The following WWC2 variants were observed in gnomAD, a reference collection of about 807,000 sequenced individuals.
WWC2 encodes the protein WW and C2 domain containing 2, also known as protein WWC2.
In WWC2, 101 loss-of-function variants were observed where a neutral mutation model predicts 138.5. The ratio of observed to expected loss-of-function variants is 0.73; its 90% confidence interval spans 0.62 to 0.86. WWC2 has a LOEUF of 0.86. Among genes scored for constraint, WWC2 ranks in the 40% least tolerant of loss-of-function variants. The pLI is 0.00. For synonymous variants in WWC2, 558 were observed against 538.4 expected, an observed-to-expected ratio of 1.04 and a Z score of -0.50; for missense variants, 1,420 against 1,419.4, an observed-to-expected ratio of 1.00 and a Z score of -0.01.
chr4:183,263,416 G>GGGTCTT (rs1737399872), intron 11 of WWC2, among the ~76,000 whole-genome samples: 1 of 152,202 alleles, frequency 6.6e-6, no homozygotes, highest in Admixed American at 6.5e-5. Context: ...CCTGACACTT[G>GGGTCTT]GGTCTTGCTG....
Position 183,247,533 on chromosome 4 carries a change from A to G in WWC2, c.733-1181A>G, listed in dbSNP as rs544585500. On this transcript the variant is annotated intron_variant, in intron 6 of 22. Coordinates refer to ENST00000403733, the MANE Select transcript of WWC2 (RefSeq NM_024949.6). The stretch of plus-strand genomic sequence containing the variant: ...ATATACACTATACTATATATATACT[A>G]TATATACTATATATATACTGTATAT... Among the ~76,000 whole-genome samples, 25 of 143,310 alleles carry G rather than the reference A, an allele frequency of 1.7e-4. 1 individual carries two copies. Among genetic ancestry groups the G allele is most frequent in the African/African-American group, 4.9e-4 (19 of 38,956 alleles). 94.0% of individuals were successfully genotyped at this position (143,310 alleles called of 152,430 possible). A position where few individuals can be genotyped will look rare whatever the true frequency, so the allele number is the denominator to read the frequency against.
intron 6 of WWC2, among the ~76,000 whole-genome samples, chr4:183,247,783 A>G (rs2111329435): frequency 7.3e-6 from 1 of 137,558 alleles, no homozygotes; most frequent in East Asian, 2.1e-4. Context: ...TACTATATAT[A>G]TATTATATAT....
chr4:183,253,826 G>A lies in WWC2; in HGVS notation c.1023G>A (p.Glu341=), dbSNP rs770795468. 1 of 1,613,634 alleles carries A rather than the reference G, an allele frequency of 6.2e-7. No homozygotes were observed. The highest frequency in any genetic ancestry group is 1.3e-5 in the African/African-American group (1 of 74,970). The change falls in exon 9 of 23, where the codon GAG becomes GAA. Residue 341 remains glutamate, a synonymous_variant. Coordinates refer to ENST00000403733, the MANE Select transcript of WWC2 (RefSeq NM_024949.6). ...CCTGGCCTGGGGCACTGGATATTGA[G>A]AAGGAAAAACTGATGCTGATTAATG... The part of the protein sequence containing the change: ...SEAWPGALDI[E]KEKLMLINEK...
At chr4:183,124,922 C>T (rs1450784666) in intron 1 of WWC2, among the ~76,000 whole-genome samples, 2 of 152,126 alleles carry the variant, frequency 1.3e-5, no homozygotes, top group African/African-American at 4.8e-5. Context: ...GACTCCTCCA[C>T]AAAAGCGTGG....
chr4:183,261,650 A>G (rs1737335820), intron 11 of WWC2, 118 bp downstream of exon 11: 2 of 1,248,790 alleles, frequency 1.6e-6, no homozygotes, highest in Admixed American at 2.9e-5. Context: ...CTTTTGAGTA[A>G]TCGTTTTGGC....
chr4:183,285,100 C>G (rs1179414560), intron 19 of WWC2, among the ~76,000 whole-genome samples: 1 of 152,100 alleles, frequency 6.6e-6, no homozygotes, highest in Non-Finnish European at 1.5e-5. Flanking sequence ...GTTTACATTC[C>G]TGTGAATCGA....
intron 1 of WWC2, among the ~76,000 whole-genome samples, chr4:183,133,519 C>T (rs567275715): frequency 3.3e-5 from 5 of 151,988 alleles, no homozygotes; most frequent in South Asian, 4.2e-4. Flanking sequence ...CTTTTTGAGA[C>T]GGAGCCTTGC....
At chr4:183,161,512 C>T (rs1733958592) in intron 1 of WWC2, among the ~76,000 whole-genome samples, 1 of 152,274 alleles carries the variant, frequency 6.6e-6, no homozygotes, top group South Asian at 2.1e-4. Context: ...GTGCAAATAA[C>T]CTTGCAGAAT....
chr4:183,213,788 C>G (rs1456956251), intron 4 of WWC2, among the ~76,000 whole-genome samples: 1 of 151,950 alleles, frequency 6.6e-6, no homozygotes, highest in Non-Finnish European at 1.5e-5. Context: ...ATCTCAATAG[C>G]CATTTTTTAA....
chr4:183,107,232 T>C (rs1743395970), intron 1 of WWC2, among the ~76,000 whole-genome samples: 1 of 150,620 alleles, frequency 6.6e-6, no homozygotes, highest in African/African-American at 2.4e-5. Context: ...CTCGGCTCAC[T>C]GCGGCTTCCA....
chr4:183,168,098 TG>T (rs1416964114), intron 1 of WWC2, among the ~76,000 whole-genome samples: 1 of 151,876 alleles, frequency 6.6e-6, no homozygotes, highest in Non-Finnish European at 1.5e-5. Context: ...CCTCGTGATC[TG>T]TCCACCTTGG....
At chr4:183,197,392 A>G (rs1735173823) in intron 2 of WWC2, among the ~76,000 whole-genome samples, 1 of 152,212 alleles carries the variant, frequency 6.6e-6, no homozygotes, top group African/African-American at 2.4e-5. Flanking sequence ...TTCCACACAT[A>G]TGTTGTGTTC....
In WWC2 at chr4:183,261,367, A is replaced by ACT; in HGVS notation, c.1745_1746dup (p.Ala583LeufsTer9). 6.2e-7 allele frequency: 1 copy of ACT among 1,613,144 alleles called. No homozygotes were observed. The highest frequency in any genetic ancestry group is 2.2e-5 in the East Asian group (1 of 44,870). ...TCATGATGCCTCTCTCCATCAGTTC[A>ACT]CTGCTGACTTTGAAGACTGTGAGTT... On this transcript the variant is annotated frameshift_variant, in exon 11 of 23. Transcript: ENST00000403733. LOFTEE classifies it high-confidence loss of function.
chr4:183,114,269 G>A (rs556096159), intron 1 of WWC2, among the ~76,000 whole-genome samples: 2 of 152,258 alleles, frequency 1.3e-5, no homozygotes, highest in East Asian at 3.9e-4. Flanking sequence ...TAAGCTTCCT[G>A]AAGCTCTTCC....
At chr4:183,265,815 G>A in intron 13 of WWC2, 47 bp downstream of exon 13, 1 of 1,607,888 alleles carries the variant, frequency 6.2e-7, no homozygotes. Context: ...TCTGTGCAGG[G>A]CAAGTGGCCT....
At chr4:183,141,547 C>G (rs1309405716) in intron 1 of WWC2, among the ~76,000 whole-genome samples, 1 of 152,138 alleles carries the variant, frequency 6.6e-6, no homozygotes, top group African/African-American at 2.4e-5. Flanking sequence ...ATCCTCTAAG[C>G]CGAGATGATT....
At chr4:183,120,658 C>T (rs1199615791) in intron 1 of WWC2, among the ~76,000 whole-genome samples, 1 of 151,824 alleles carries the variant, frequency 6.6e-6, no homozygotes, top group African/African-American at 2.4e-5. Flanking sequence ...CATGATATTC[C>T]CTAAATTTCT....
intron 21 of WWC2, among the ~76,000 whole-genome samples, chr4:183,294,534 G>T (rs1738568274): frequency 6.6e-6 from 1 of 152,152 alleles, no homozygotes; most frequent in African/African-American, 2.4e-5. Context: ...AAGTAATAGG[G>T]GAGCTGTGAA....
Position 183,268,982 on chromosome 4 carries a change from T to C in WWC2, c.2219T>C (p.Val740Ala). 6.2e-7 allele frequency: 1 copy of C among 1,612,164 alleles called. No individual in the cohort carries two copies. The highest frequency in any genetic ancestry group is 8.5e-7 in the Non-Finnish European group (1 of 1,179,442). ...IPHTSKVYFRVAVLPSSTDVS... is the reference protein window; with the variant it reads ...IPHTSKVYFRAAVLPSSTDVS... Reference sequence around the variant, plus strand: ...CTTGTTCTTTGCAGATATTTTAGGGTTGCCGTTCTTCCTTCCTCAACTGAT... The same window carrying C: ...CTTGTTCTTTGCAGATATTTTAGGGCTGCCGTTCTTCCTTCCTCAACTGAT... Residue 740 changes from valine (V) to alanine (A), a missense_variant, in exon 15 of 23, where the codon GTT becomes GCT. Coordinates refer to ENST00000403733, the MANE Select transcript of WWC2 (RefSeq NM_024949.6).
Sources: allele counts gnomAD v4.1 joint callset (sites outside exome capture counted in the v4.1 genomes callset), GRCh38; gene constraint gnomAD v4.1.1; transcripts MANE v1.5; gene names NCBI Gene and HGNC (gene_info 2026-07-23, HGNC 2026-07-21).